IL18R1: variants seen among roughly 807,000 people sequenced by gnomAD.
IL18R1 encodes the protein interleukin 18 receptor 1.
Under a neutral mutation model 48.5 loss-of-function variants are expected in IL18R1, and 40 were observed. The observed-to-expected ratio is 0.82, with a 90% confidence interval of 0.64 to 1.07. IL18R1 has a LOEUF of 1.07. Among genes scored for constraint, IL18R1 ranks in the 50% least tolerant of loss-of-function variants. IL18R1 has a pLI of 0.00. For missense variants in IL18R1, 596 were observed against 633.7 expected (o/e 0.94, Z 0.64); for synonymous variants, 232 against 225.9 (o/e 1.03, Z -0.24).
At chr2:102,356,983 T>C (rs982377524) in intron 1 of IL18R1, among the ~76,000 whole-genome samples, 1 of 152,214 alleles carries the variant, frequency 6.6e-6, no homozygotes. Context: ...GATTATTGTA[T>C]TCATTTCACT....
Position 102,384,920 on chromosome 2 carries a change from A to T in IL18R1, c.731A>T (p.Glu244Val). 6.2e-7 allele frequency: 1 copy of T among 1,611,356 alleles called. No individual in the cohort carries two copies. The highest frequency in any genetic ancestry group is 8.5e-7 in the Non-Finnish European group (1 of 1,177,764). Reference sequence around the variant, plus strand: ...AACTGCTCTGCTTTGCTGAATGAAGAGGATGTAATTTATTGGATGTTCGGG... The same window carrying T: ...AACTGCTCTGCTTTGCTGAATGAAGTGGATGTAATTTATTGGATGTTCGGG... ...RLNCSALLNEEDVIYWMFGEE... is the reference protein window; with the variant it reads ...RLNCSALLNEVDVIYWMFGEE... The change falls in exon 7 of 11, where the codon GAG (glutamate) becomes GTG (valine). Residue 244 changes from glutamate to valine, a missense_variant. Coordinates refer to ENST00000233957, the MANE Select transcript of IL18R1 (RefSeq NM_003855.5).
At chr2:102,388,531 C>A (rs1680375487) in intron 8 of IL18R1, among the ~76,000 whole-genome samples, 1 of 152,152 alleles carries the variant, frequency 6.6e-6, no homozygotes, top group African/African-American at 2.4e-5. Context: ...CATCACCTGG[C>A]CAGGCTTTCC....
intron 3 of IL18R1, among the ~76,000 whole-genome samples, chr2:102,369,799 G>A (rs1436450073): frequency 1.3e-5 from 2 of 152,178 alleles, no homozygotes; most frequent in African/African-American, 2.4e-5. Context: ...GGAGTACATT[G>A]CTAATAATCA....
chr2:102,356,699 T>G (rs1422090532), intron 1 of IL18R1, among the ~76,000 whole-genome samples: 3 of 152,184 alleles, frequency 2.0e-5, no homozygotes, highest in Non-Finnish European at 2.9e-5. Flanking sequence ...TAGAAAATTT[T>G]TAGATATCTT....
rs764188075 is a variant in IL18R1, at chr2:102,397,026, A to T, written c.*140A>T. 2.6e-4 allele frequency: 159 copies of T among 619,350 alleles called. No homozygotes were observed. The highest frequency in any genetic ancestry group is 3.9e-4 in the Non-Finnish European group (138 of 358,114). 38.4% of individuals were successfully genotyped at this position (619,350 alleles called of 1,614,324 possible). On this transcript the variant is annotated 3_prime_UTR_variant, in exon 11 of 11. Coordinates refer to ENST00000233957, the MANE Select transcript of IL18R1 (RefSeq NM_003855.5). ...TCACAATTTGAAGATGAAACTTGTC[A>T]TTAGGTTGGCGGGAATGAGACTAAA...
intron 2 of IL18R1, among the ~76,000 whole-genome samples, chr2:102,366,634 G>A (rs1166160405): frequency 3.9e-5 from 6 of 152,072 alleles, no homozygotes; most frequent in Non-Finnish European, 8.8e-5. Flanking sequence ...GCTAATAAAG[G>A]CATACCTGAG....
At chr2:102,379,988 G>A (rs1217346463) in intron 5 of IL18R1, among the ~76,000 whole-genome samples, 1 of 152,162 alleles carries the variant, frequency 6.6e-6, no homozygotes. Context: ...GACTGTTTTT[G>A]GAGCCCAGGA....
rs1313030470 is a variant in IL18R1 at position 102,397,086 on chromosome 2, A to G, written c.*200A>G. 7 of 490,424 alleles carry G rather than the reference A, an allele frequency of 1.4e-5. No homozygotes were observed. Among genetic ancestry groups the G allele is most frequent in the South Asian group, 7.9e-5 (2 of 25,224 alleles). 30.4% of individuals were successfully genotyped at this position (490,424 alleles called of 1,614,324 possible). A position where few individuals can be genotyped will look rare whatever the true frequency, so the allele number is the denominator to read the frequency against. On this transcript the variant is annotated 3_prime_UTR_variant, in exon 11 of 11. Coordinates refer to ENST00000233957, the MANE Select transcript of IL18R1 (RefSeq NM_003855.5). ...GTGGGCTGTGGTCACGTGCTCCCAG[A>G]AGACCTGGAATTCAAAAGAAATGGA...
In IL18R1 at chr2:102,384,880, A is replaced by G; in HGVS notation, c.691A>G (p.Lys231Glu). Reference protein sequence around the residue: ...KLNHVAVELGKNVRLNCSALL... With the variant: ...KLNHVAVELGENVRLNCSALL... ...CTTTAGTTGCCAACTTTTACCAGGAAAAAACGTAAGGCTCAACTGCTCTGC... is the reference window on the plus strand; with the variant it reads ...CTTTAGTTGCCAACTTTTACCAGGAGAAAACGTAAGGCTCAACTGCTCTGC... Residue 231 changes from lysine (K) to glutamate (E), a missense_variant and splice_region_variant, in exon 7 of 11, where the codon AAA (lysine) becomes GAA (glutamate). Around this residue, in one of 3 missense-constraint regions of IL18R1, gnomAD observed 360 missense variants for 339.4 expected, o/e 1.06. Coordinates refer to ENST00000233957, the MANE Select transcript of IL18R1 (RefSeq NM_003855.5). 1 of 1,606,426 alleles carries G rather than the reference A, an allele frequency of 6.2e-7. No homozygotes were observed. Among genetic ancestry groups the G allele is most frequent in the Non-Finnish European group, 8.5e-7 (1 of 1,177,352 alleles).
At chr2:102,358,356 G>A (rs142231706) in intron 1 of IL18R1, among the ~76,000 whole-genome samples, 11 of 152,260 alleles carry the variant, frequency 7.2e-5, no homozygotes, top group African/African-American at 2.6e-4. Context: ...TGCTGCCTTG[G>A]GAGACAGAGT....
rs915435201 is a variant in IL18R1, at chr2:102,397,163, T to A, written c.*277T>A. On this transcript the variant is annotated 3_prime_UTR_variant, in exon 11 of 11. Transcript: ENST00000233957. ...ACTGGATGCAGCTGCTCATACTCAA[T>A]CCCATATTCAGCAAGTGTGAAGCTG... The A allele has an allele frequency of 6.1e-6, 2 of 329,738 alleles. No homozygotes were observed. Among genetic ancestry groups the A allele is most frequent in the Non-Finnish European group, 1.1e-5 (2 of 182,934 alleles). The allele number at this position is 329,738 out of a possible 1,614,324, so 20.4% of individuals were successfully genotyped here.
At chr2:102,368,640 T>C (rs775254649) in intron 3 of IL18R1, among the ~76,000 whole-genome samples, 9 of 152,166 alleles carry the variant, frequency 5.9e-5, no homozygotes, top group Non-Finnish European at 1.0e-4. Context: ...ATTTTACTCA[T>C]GAGGTGGCCC....
At chr2:102,372,233 A>G (rs1679308043) in intron 4 of IL18R1, 115 bp downstream of exon 4, 2 of 790,362 alleles carry the variant, frequency 2.5e-6, no homozygotes, top group East Asian at 2.9e-5. Context: ...CTGATCCCAC[A>G]TGGCTCACTT....
chr2:102,390,627 A>G (rs1266602906), intron 9 of IL18R1, among the ~76,000 whole-genome samples: 1 of 152,134 alleles, frequency 6.6e-6, no homozygotes. Context: ...AGGCTTACAT[A>G]ATGGACGTGT....
intron 4 of IL18R1, among the ~76,000 whole-genome samples, chr2:102,374,258 G>T: frequency 6.6e-6 from 1 of 152,156 alleles, no homozygotes. Flanking sequence ...TAAGAGAGTG[G>T]TCTGAACAGA....
intron 9 of IL18R1, among the ~76,000 whole-genome samples, chr2:102,392,648 G>A (rs1184697533): frequency 6.6e-6 from 1 of 152,072 alleles, no homozygotes; most frequent in Non-Finnish European, 1.5e-5. Flanking sequence ...TTCAGTATTG[G>A]TTTCTGAAGG....
At chr2:102,395,698 C>T (rs1573236473) in intron 10 of IL18R1, among the ~76,000 whole-genome samples, 1 of 152,178 alleles carries the variant, frequency 6.6e-6, no homozygotes, top group Non-Finnish European at 1.5e-5. Context: ...AGGGGCCTTT[C>T]TTGAAAACAG....
chr2:102,391,213 A>G (rs530647780), intron 9 of IL18R1, among the ~76,000 whole-genome samples: 1 of 149,320 alleles, frequency 6.7e-6, no homozygotes, highest in African/African-American at 2.4e-5. Context: ...CAAAATGTCT[A>G]TGAAATTATA....
At chr2:102,395,970 T>G (rs751863778) in intron 10 of IL18R1, among the ~76,000 whole-genome samples, 3 of 152,224 alleles carry the variant, frequency 2.0e-5, no homozygotes, top group Non-Finnish European at 4.4e-5. Flanking sequence ...CCTAACATAT[T>G]TACTATCTGG....
Sources: allele counts gnomAD v4.1 joint callset (sites outside exome capture counted in the v4.1 genomes callset), GRCh38; gene constraint gnomAD v4.1.1; regional missense constraint gnomAD v4.1.1; transcripts MANE v1.5; gene names NCBI Gene and HGNC (gene_info 2026-07-23, HGNC 2026-07-21).